FHIT: variants seen among roughly 807,000 people sequenced by gnomAD.
The protein encoded by FHIT is fragile histidine triad diadenosine triphosphatase, also known as bis(5'-adenosyl)-triphosphatase.
A neutral mutation model predicts 17.9 loss-of-function variants in FHIT; 19 were observed. That is an observed-to-expected ratio of 1.06 (90% CI 0.74 to 1.56). FHIT has a LOEUF of 1.56. Among genes scored for constraint, FHIT ranks in the 40% most tolerant of loss-of-function variants. FHIT has a pLI of 0.00. For missense variants in FHIT, 248 were observed against 189.2 expected (o/e 1.31, Z -1.82); for synonymous variants, 81 against 69.7 (o/e 1.16, Z -0.81).
At chr3:61,089,481 C>A (rs6764497) in intron 2 of FHIT, among the ~76,000 whole-genome samples, 103,649 of 152,040 alleles carry the variant, frequency 0.68, 36,447 homozygotes, top group African/African-American at 0.77. Flanking sequence ...ATGGAATCTT[C>A]TAATAGGTGA....
chr3:60,657,302 A>C (rs914023404), intron 4 of FHIT, among the ~76,000 whole-genome samples: 1 of 152,142 alleles, frequency 6.6e-6, no homozygotes, highest in South Asian at 2.1e-4. Context: ...AGTTCTCAAA[A>C]TGTTGCTAAA....
intron 8 of FHIT, among the ~76,000 whole-genome samples, chr3:59,790,410 G>A (rs1699497405): frequency 6.6e-6 from 1 of 152,076 alleles, no homozygotes; most frequent in Non-Finnish European, 1.5e-5. Context: ...ATTTTAAGGT[G>A]GCATGCAATG....
At chr3:60,374,426 C>G (rs1215018043) in intron 5 of FHIT, among the ~76,000 whole-genome samples, 1 of 151,700 alleles carries the variant, frequency 6.6e-6, no homozygotes, top group Non-Finnish European at 1.5e-5. Context: ...TACTCTGCAT[C>G]ATTAAACAGG....
At chr3:61,013,843 T>G (rs1159036762) in intron 3 of FHIT, among the ~76,000 whole-genome samples, 1 of 152,228 alleles carries the variant, frequency 6.6e-6, no homozygotes, top group Non-Finnish European at 1.5e-5. Context: ...CCTGATTTCT[T>G]TCACAGTTTT....
At chr3:60,026,317 G>GA (rs11369408) in intron 5 of FHIT, among the ~76,000 whole-genome samples, 68,617 of 147,202 alleles carry the variant, frequency 0.47, 16,699 homozygotes, top group East Asian at 0.74. Flanking sequence ...GGTTGGTTTA[G>GA]AAAAAAAAAA....
chr3:60,514,477 T>C (rs1343439041), intron 5 of FHIT, among the ~76,000 whole-genome samples: 3 of 152,130 alleles, frequency 2.0e-5, no homozygotes, highest in Non-Finnish European at 4.4e-5. Context: ...AGCTCCCGTT[T>C]CACTGGGGCC....
chr3:60,597,545 G>C (rs2038308942), intron 4 of FHIT, among the ~76,000 whole-genome samples: 1 of 152,038 alleles, frequency 6.6e-6, no homozygotes, highest in Admixed American at 6.6e-5. Flanking sequence ...ACCATGCAAA[G>C]AAACCATCCA....
At chr3:60,348,883 G>A (rs923911097) in intron 5 of FHIT, among the ~76,000 whole-genome samples, 1 of 152,176 alleles carries the variant, frequency 6.6e-6, no homozygotes, top group East Asian at 1.9e-4. Flanking sequence ...ATTTAGAGCG[G>A]AGCTAAGTCA....
intron 5 of FHIT, among the ~76,000 whole-genome samples, chr3:60,514,618 A>G (rs1241697861): frequency 6.6e-6 from 1 of 152,194 alleles, no homozygotes; most frequent in Non-Finnish European, 1.5e-5. Flanking sequence ...AAACCCACAC[A>G]TGCTGCACAT....
chr3:60,702,928 T>A (rs1427364718), intron 4 of FHIT, among the ~76,000 whole-genome samples: 1 of 152,204 alleles, frequency 6.6e-6, no homozygotes, highest in Non-Finnish European at 1.5e-5. Context: ...TTCTAATACA[T>A]TTTATCACAT....
chr3:59,961,093 A>G (rs777042075), intron 7 of FHIT, among the ~76,000 whole-genome samples: 3 of 152,210 alleles, frequency 2.0e-5, no homozygotes, highest in African/African-American at 4.8e-5. Context: ...GAATTTCCCA[A>G]TGTTCAGCCT....
At chr3:60,780,761 T>G (rs1194294090) in intron 4 of FHIT, among the ~76,000 whole-genome samples, 1 of 152,164 alleles carries the variant, frequency 6.6e-6, no homozygotes, top group Non-Finnish European at 1.5e-5. Context: ...ATGAGACAGC[T>G]AGGTGGGAGG....
At chr3:61,146,093 C>T (rs1280642110) in intron 2 of FHIT, among the ~76,000 whole-genome samples, 1 of 152,010 alleles carries the variant, frequency 6.6e-6, no homozygotes, top group African/African-American at 2.4e-5. Context: ...TCACTCTCCA[C>T]AGGAAAGGAG....
chr3:61,202,286 T>C (rs2039045271), intron 1 of FHIT, among the ~76,000 whole-genome samples: 1 of 148,902 alleles, frequency 6.7e-6, no homozygotes, highest in Non-Finnish European at 1.5e-5. Flanking sequence ...CCCCTCTGCC[T>C]GGCCGCTGCC....
intron 4 of FHIT, among the ~76,000 whole-genome samples, chr3:60,818,498 A>C (rs1406014706): frequency 6.6e-6 from 1 of 152,204 alleles, no homozygotes; most frequent in Non-Finnish European, 1.5e-5. Flanking sequence ...CTGCTCCATC[A>C]AGAATATACA....
intron 3 of FHIT, among the ~76,000 whole-genome samples, chr3:60,929,282 C>A (rs555719834): frequency 3.3e-5 from 5 of 152,110 alleles, no homozygotes; most frequent in African/African-American, 1.2e-4. Flanking sequence ...ACTGGAAGCA[C>A]TCCCTTTGAA....
intron 7 of FHIT, among the ~76,000 whole-genome samples, chr3:59,996,671 G>A (rs907417816): frequency 1.3e-5 from 2 of 152,092 alleles, no homozygotes; most frequent in African/African-American, 4.8e-5. Context: ...AAAGAAAAAT[G>A]ATTAGCATGA....
At chr3:60,640,083 C>A (rs1276306884) in intron 4 of FHIT, among the ~76,000 whole-genome samples, 1 of 152,114 alleles carries the variant, frequency 6.6e-6, no homozygotes, top group Non-Finnish European at 1.5e-5. Context: ...TGCAAAATCA[C>A]CGCTAGTGAC....
intron 5 of FHIT, among the ~76,000 whole-genome samples, chr3:60,381,718 T>C (rs1418911518): frequency 6.6e-6 from 1 of 152,188 alleles, no homozygotes; most frequent in Non-Finnish European, 1.5e-5. Context: ...TATCAACTGG[T>C]ATATACAATC....
Sources: allele counts gnomAD v4.1 joint callset (sites outside exome capture counted in the v4.1 genomes callset), GRCh38; gene constraint gnomAD v4.1.1; transcripts MANE v1.5; gene names NCBI Gene and HGNC (gene_info 2026-07-23, HGNC 2026-07-21).